PCDHA1: variants seen among roughly 807,000 people sequenced by gnomAD.
PCDHA1 encodes the protein protocadherin alpha-1.
A neutral mutation model predicts 61.3 loss-of-function variants in PCDHA1; 42 were observed. The observed-to-expected ratio is 0.69, with a 90% CI of 0.54 to 0.89. The LOEUF (loss-of-function observed/expected upper bound fraction) is 0.89. Ranked by LOEUF, PCDHA1 falls within the 40% of genes least tolerant of loss-of-function variation. PCDHA1 has a pLI of 0.00. For synonymous variants in PCDHA1, 610 were observed against 553.8 expected (o/e 1.10, Z -1.43); for missense variants, 1,256 against 1,235.3 (o/e 1.02, Z -0.25).
At chr5:140,821,582 C>G (rs2150109914) in intron 1 of PCDHA1, 2 of 622,440 alleles carry the variant, frequency 3.2e-6, no homozygotes, top group East Asian at 2.9e-5. Flanking sequence ...AGGTTTTTCT[C>G]CCTTCCCAGC....
At chr5:140,994,325 A>G (rs879964488) in intron 3 of PCDHA1, among the ~76,000 whole-genome samples, 8 of 152,190 alleles carry the variant, frequency 5.3e-5, no homozygotes, top group African/African-American at 7.2e-5. Flanking sequence ...ACTCTCAGCA[A>G]CCATGAACAG....
intron 1 of PCDHA1, chr5:140,862,517 T>C (rs962060354): frequency 3.9e-5 from 16 of 410,600 alleles, no homozygotes; most frequent in African/African-American, 2.9e-4. Flanking sequence ...GCTTTCATTG[T>C]TGGCCACAGC....
chr5:140,941,446 G>C (rs1241311664), intron 1 of PCDHA1, among the ~76,000 whole-genome samples: 1 of 150,694 alleles, frequency 6.6e-6, no homozygotes, highest in African/African-American at 2.4e-5. Flanking sequence ...CTCGGGAGTA[G>C]CTGGGATTAC....
chr5:140,984,505 TGATGCATGAGTCACA>T (rs2097106604), intron 3 of PCDHA1, among the ~76,000 whole-genome samples: 1 of 152,206 alleles, frequency 6.6e-6, no homozygotes, highest in African/African-American at 2.4e-5. Context: ...GCCTGGCTGC[TGATGCATGAGTCACA>T]GTCTTCATGG....
intron 1 of PCDHA1, chr5:140,835,965 C>T: frequency 1.2e-6 from 2 of 1,613,194 alleles, no homozygotes; most frequent in Non-Finnish European, 1.7e-6. Flanking sequence ...CCACGAGGAG[C>T]TGGAGCTGTT....
chr5:140,883,003 C>T, intron 1 of PCDHA1: 1 of 1,614,050 alleles, frequency 6.2e-7, no homozygotes, highest in East Asian at 2.2e-5. Flanking sequence ...TTTACCAATC[C>T]GTTTATAAAG....
chr5:140,927,045 C>G, intron 1 of PCDHA1: 1 of 1,612,254 alleles, frequency 6.2e-7, no homozygotes, highest in Non-Finnish European at 8.5e-7. Context: ...CCGCTATGTC[C>G]TCGCGGAACT....
chr5:140,852,228 A>G, intron 1 of PCDHA1: 1 of 612,592 alleles, frequency 1.6e-6, no homozygotes, highest in Non-Finnish European at 2.1e-6. Context: ...TAATTTTTAA[A>G]TTTTCCCTTA....
intron 1 of PCDHA1, among the ~76,000 whole-genome samples, chr5:140,789,552 A>T (rs927388996): frequency 6.6e-6 from 1 of 151,952 alleles, no homozygotes; most frequent in East Asian, 1.9e-4. Context: ...TACAACCACG[A>T]CTTCATTGTC....
chr5:140,796,962 A>G (rs782641897), intron 1 of PCDHA1: 73 of 1,613,640 alleles, frequency 4.5e-5, no homozygotes, highest in Non-Finnish European at 6.0e-5. Context: ...CCACCGTGTT[A>G]GTGTCGTTGG....
At chr5:140,870,564 G>C (rs782511789) in intron 1 of PCDHA1, 83 of 1,613,882 alleles carry the variant, frequency 5.1e-5, no homozygotes, top group Admixed American at 3.3e-4. Context: ...AGGAGAACGC[G>C]CTGGTGTCCT....
chr5:140,877,233 G>A (rs1554169499), intron 1 of PCDHA1: 2 of 1,613,676 alleles, frequency 1.2e-6, no homozygotes, highest in Non-Finnish European at 8.5e-7. Flanking sequence ...CGGTGGGTGC[G>A]GGCCACGTGG....
chr5:140,850,940 A>G (rs2150503150), intron 1 of PCDHA1: 2 of 1,507,156 alleles, frequency 1.3e-6, no homozygotes, highest in East Asian at 2.3e-5. Context: ...TTCTTGAAAG[A>G]TATTATCGAT....
chr5:140,803,881 A>G, intron 1 of PCDHA1: 1 of 549,676 alleles, frequency 1.8e-6, no homozygotes, highest in Non-Finnish European at 3.2e-6. Context: ...ATTTTTTCTT[A>G]GATGAATTGC....
intron 1 of PCDHA1, chr5:140,967,347 A>G: frequency 6.2e-7 from 1 of 1,608,324 alleles, no homozygotes; most frequent in South Asian, 1.1e-5. Flanking sequence ...GAGCACTTCG[A>G]GCTGGACCTT....
At chr5:140,807,394 G>A (rs3822355) in intron 1 of PCDHA1, 374,073 of 969,126 alleles carry the variant, frequency 0.39, 145,278 homozygotes, top group South Asian at 0.46. Context: ...TGGCGTCCAA[G>A]GGCCGCGGAG....
chr5:140,882,022 A>G (rs2153382292), intron 1 of PCDHA1: 2 of 571,970 alleles, frequency 3.5e-6, no homozygotes, highest in Non-Finnish European at 5.6e-6. Flanking sequence ...TACTACATCA[A>G]TGGAAAATAT....
intron 3 of PCDHA1, among the ~76,000 whole-genome samples, chr5:140,984,583 T>C (rs2097109355): frequency 6.6e-6 from 1 of 152,200 alleles, no homozygotes; most frequent in South Asian, 2.1e-4. Context: ...AACCTAATCA[T>C]ACTTTTCAAT....
chr5:140,950,720 T>C (rs2094512536), intron 1 of PCDHA1, among the ~76,000 whole-genome samples: 1 of 152,106 alleles, frequency 6.6e-6, no homozygotes, highest in South Asian at 2.1e-4. Flanking sequence ...CTTATATCCT[T>C]AAATTTTTTA....
Sources: allele counts gnomAD v4.1 joint callset (sites outside exome capture counted in the v4.1 genomes callset), GRCh38; gene constraint gnomAD v4.1.1; transcripts MANE v1.5; gene names NCBI Gene and HGNC (gene_info 2026-07-23, HGNC 2026-07-21).